CMTR1: variants seen among roughly 807,000 people sequenced by gnomAD.
CMTR1 encodes the protein cap-specific mRNA (nucleoside-2'-O-)-methyltransferase 1.
A neutral mutation model predicts 107.0 loss-of-function variants in CMTR1; 39 were observed. The observed-to-expected ratio is 0.36, with a 90% confidence interval of 0.28 to 0.48. The LOEUF (loss-of-function observed/expected upper bound fraction) is 0.48. CMTR1 is among the 20% of genes least tolerant of loss of function. CMTR1 has a pLI of 0.99. For synonymous variants in CMTR1, 366 were observed against 379.5 expected (o/e 0.96, Z 0.41); for missense variants, 672 against 1,064.9 (o/e 0.63, Z 5.14).
rs1294377005 is a variant in CMTR1, at chr6:37,480,248, G to C, written c.*103G>C. ...TTCTTCCCCCTCTTGAAAAGGGACT[G>C]GGGAGCATTGCACCTGGCATGAGGA... On this transcript the variant is annotated 3_prime_UTR_variant, in exon 24 of 24. Coordinates refer to ENST00000373451, the MANE Select transcript of CMTR1 (RefSeq NM_015050.3). 3 of 1,529,840 alleles carry C rather than the reference G, an allele frequency of 2.0e-6. No homozygotes were observed. In the African/African-American group the frequency reaches 4.3e-5, roughly 22 times the overall value. 94.8% of individuals were successfully genotyped at this position (1,529,840 alleles called of 1,614,324 possible).
Position 37,477,584 on chromosome 6 carries a change from AC to A in CMTR1, c.2106-6del. 6.2e-7 allele frequency: 1 copy of A among 1,606,904 alleles called. No individual in the cohort carries two copies. Among genetic ancestry groups the A allele is most frequent in the South Asian group, 1.1e-5 (1 of 90,964 alleles). On this transcript the variant is annotated splice_polypyrimidine_tract_variant and splice_region_variant and intron_variant, in intron 20 of 23. Transcript: ENST00000373451. ...GCCTTTGTCTTGTCTCTGTCCCTCT[AC>A]CTGCAGGGTGAAGGAGGTGTACAGA...
chr6:37,471,827 A>G lies in CMTR1; in HGVS notation c.1563-20A>G, dbSNP rs777122971. 4 of 1,613,452 alleles carry G rather than the reference A, an allele frequency of 2.5e-6. No homozygotes were observed. Among genetic ancestry groups the G allele is most frequent in the South Asian group, 2.2e-5 (2 of 91,010 alleles). ...GTGCCTCTTAGAGATTTTAATCACTAACTGGCTTCATATTCCCAGGACACT... is the reference window on the plus strand; with the variant it reads ...GTGCCTCTTAGAGATTTTAATCACTGACTGGCTTCATATTCCCAGGACACT... On this transcript the variant is annotated intron_variant, in intron 14 of 23. Transcript: ENST00000373451.
At chr6:37,466,108 G>GT (rs747910111) in intron 13 of CMTR1, among the ~76,000 whole-genome samples, 4,865 of 127,424 alleles carry the variant, frequency 0.038, 306 homozygotes, top group African/African-American at 0.043. Context: ...GAGTTTTACA[G>GT]TTTTTGTTTT....
intron 2 of CMTR1, among the ~76,000 whole-genome samples, chr6:37,439,447 G>A (rs950859176): frequency 6.6e-6 from 1 of 152,266 alleles, no homozygotes; most frequent in African/African-American, 2.4e-5. Flanking sequence ...AAGTTGCCAG[G>A]CTCCTTCACC....
intron 12 of CMTR1, among the ~76,000 whole-genome samples, chr6:37,462,393 G>T (rs1761417811): frequency 6.6e-6 from 1 of 152,192 alleles, no homozygotes; most frequent in South Asian, 2.1e-4. Flanking sequence ...TCTTGGGCTG[G>T]GAAGGGGCAA....
intron 13 of CMTR1, among the ~76,000 whole-genome samples, chr6:37,467,012 G>A (rs553283483): frequency 2.0e-5 from 3 of 152,042 alleles, no homozygotes; most frequent in African/African-American, 4.8e-5. Context: ...TCTACAAAAC[G>A]TACAAAAATT....
chr6:37,475,350 C>T lies in CMTR1; in HGVS notation c.1974C>T (p.Ile658=), dbSNP rs1208214369. Residue 658 remains isoleucine, a synonymous_variant, in exon 19 of 24, where the codon ATC becomes ATT. Coordinates refer to ENST00000373451, the MANE Select transcript of CMTR1 (RefSeq NM_015050.3). The part of the protein sequence containing the change: ...EGKAQRKISA[I]HILDVLVLNG... ...AGGCCCAGAGGAAGATCAGTGCCATCCACATCCTCGATGTCCTTGTGCTGA... is the reference window on the plus strand; with the variant it reads ...AGGCCCAGAGGAAGATCAGTGCCATTCACATCCTCGATGTCCTTGTGCTGA... 6.2e-7 allele frequency: 1 copy of T among 1,614,052 alleles called. No individual in the cohort carries two copies. The highest frequency in any genetic ancestry group is 1.1e-5 in the South Asian group (1 of 91,028).
rs965098452 is a variant in CMTR1 at position 37,480,629 on chromosome 6, A to G, written c.*484A>G. On this transcript the variant is annotated 3_prime_UTR_variant, in exon 24 of 24. Coordinates refer to ENST00000373451, the MANE Select transcript of CMTR1 (RefSeq NM_015050.3). ...CATGAGCTGGCCAGGAGAACCTGCT[A>G]TAAAAAAATCAAGGTTTTGTTTCTT... is the stretch of plus-strand genomic sequence containing the variant. 9.8e-7 allele frequency: 1 copy of G among 1,025,208 alleles called. No individual in the cohort carries two copies. Among genetic ancestry groups the G allele is most frequent in the South Asian group, 3.8e-5 (1 of 26,208 alleles). The allele number at this position is 1,025,208 out of a possible 1,614,324, so 63.5% of individuals were successfully genotyped here. A position where few individuals can be genotyped will look rare whatever the true frequency, so the allele number is the denominator to read the frequency against.
upstream of CMTR1, among the ~76,000 whole-genome samples, chr6:37,432,266 AT>A (rs1307253004): frequency 2.0e-5 from 3 of 152,258 alleles, no homozygotes; most frequent in Non-Finnish European, 4.4e-5. Context: ...GCAATGGGAC[AT>A]CATTGATGGA....
intron 8 of CMTR1, among the ~76,000 whole-genome samples, chr6:37,456,836 G>A (rs1761305286): frequency 6.6e-6 from 1 of 152,174 alleles, no homozygotes; most frequent in African/African-American, 2.4e-5. Flanking sequence ...TAGGGCTCAG[G>A]TGTGGGTAAG....
chr6:37,455,086 G>GTTT (rs11403925), intron 8 of CMTR1, among the ~76,000 whole-genome samples: 17 of 147,284 alleles, frequency 1.2e-4, no homozygotes, highest in Admixed American at 1.3e-4. Context: ...GCAGACTGAA[G>GTTT]TTTTTTTTTT....
In CMTR1 at chr6:37,449,154, C is replaced by A. The variant is rs187949418; in HGVS notation, c.445-1097C>A. 1.6e-4 allele frequency among the ~76,000 whole-genome samples: 24 copies of A among 152,166 alleles called. No homozygotes were observed. The East Asian group carries it at 4.3e-3, about 27-fold the overall frequency. ...AGAGACAGAGTCTTGCTGTGTTGCC[C>A]AGACTGGTCTTAAACTCCTGGCCTC... On this transcript the variant is annotated intron_variant, in intron 4 of 23. Transcript: ENST00000373451.
chr6:37,478,647 G>A (rs977683913), intron 22 of CMTR1, 126 bp downstream of exon 22: 14 of 721,052 alleles, frequency 1.9e-5, no homozygotes, highest in Non-Finnish European at 2.9e-5. Flanking sequence ...AGCCAGGCTG[G>A]CATTTCTCTG....
chr6:37,475,116 A>G (rs1028879167), intron 18 of CMTR1, among the ~76,000 whole-genome samples: 6 of 152,164 alleles, frequency 3.9e-5, no homozygotes, highest in South Asian at 2.1e-4. Context: ...TTATCACCCA[A>G]TGCCTTGGAT....
intron 17 of CMTR1, among the ~76,000 whole-genome samples, 199 bp downstream of exon 17, chr6:37,473,800 A>G (rs990815270): frequency 2.0e-5 from 3 of 151,896 alleles, no homozygotes; most frequent in Admixed American, 6.5e-5. Context: ...TCATTCTTTC[A>G]TTTGTTTCTT....
intron 9 of CMTR1, 38 bp from the exon 10 acceptor site, chr6:37,459,528 G>A: frequency 6.4e-7 from 1 of 1,556,568 alleles, no homozygotes; most frequent in Non-Finnish European, 8.9e-7. Context: ...GACATGTATA[G>A]GGCAGATGAA....
At chr6:37,426,538 C>CT in the CMTR1 span, among the ~76,000 whole-genome samples, 63 of 145,974 alleles carry the variant, frequency 4.3e-4, no homozygotes, top group Middle Eastern at 3.6e-3. Context: ...CTCCTCAGGT[C>CT]TTTTTTTTTT....
At chr6:37,468,053 G>A (rs1178257136) in intron 13 of CMTR1, among the ~76,000 whole-genome samples, 2 of 132,578 alleles carry the variant, frequency 1.5e-5, no homozygotes, top group African/African-American at 2.6e-5. Flanking sequence ...CCTCTGTTTT[G>A]TGGGGGGGGG....
intron 4 of CMTR1, among the ~76,000 whole-genome samples, chr6:37,447,570 C>G (rs1771822966): frequency 6.6e-6 from 1 of 152,210 alleles, no homozygotes; most frequent in Non-Finnish European, 1.5e-5. Flanking sequence ...AATCTGAAAT[C>G]ACCCTATAGG....
Sources: allele counts gnomAD v4.1 joint callset (sites outside exome capture counted in the v4.1 genomes callset), GRCh38; gene constraint gnomAD v4.1.1; transcripts MANE v1.5; gene names NCBI Gene and HGNC (gene_info 2026-07-23, HGNC 2026-07-21).